RUFY4: variants seen among roughly 807,000 people sequenced by gnomAD.
The protein encoded by RUFY4 is RUN and FYVE domain-containing protein 4.
RUFY4 carries 73 observed loss-of-function variants against 69.0 expected under a neutral mutation model. That is an observed-to-expected ratio of 1.06 (90% confidence interval 0.88 to 1.29). The LOEUF (loss-of-function observed/expected upper bound fraction) is 1.29. Among genes scored for constraint, RUFY4 ranks in the 50% most tolerant of loss-of-function variants. The pLI, the probability that RUFY4 is intolerant of heterozygous loss-of-function variation, is 0.00. For synonymous variants in RUFY4, 287 were observed against 271.8 expected (o/e 1.06, Z -0.55); for missense variants, 770 against 705.6 (o/e 1.09, Z -1.03).
upstream of RUFY4, among the ~76,000 whole-genome samples, chr2:218,064,953 C>T (rs1330895874): frequency 1.8e-4 from 27 of 152,128 alleles, no homozygotes; most frequent in Non-Finnish European, 3.4e-4. Flanking sequence ...ACCCCGATCC[C>T]GTTTCCTTGT....
chr2:218,063,585 G>A (rs1689250438), intron 3 of RUFY4, among the ~76,000 whole-genome samples: 1 of 152,192 alleles, frequency 6.6e-6, no homozygotes, highest in Admixed American at 6.5e-5. Context: ...ATAGTGGCAT[G>A]CTCCAGCCCT....
intron 2 of RUFY4, among the ~76,000 whole-genome samples, chr2:218,047,964 C>CTTAT (rs1559421937): frequency 6.6e-6 from 1 of 152,136 alleles, no homozygotes; most frequent in Non-Finnish European, 1.5e-5. Flanking sequence ...ATGGGTTGAA[C>CTTAT]TTATAAGTTC....
At chr2:218,038,706 A>G (rs985078575) in intron 2 of RUFY4, among the ~76,000 whole-genome samples, 5 of 152,162 alleles carry the variant, frequency 3.3e-5, no homozygotes, top group African/African-American at 1.2e-4. Flanking sequence ...ATTATTTTAC[A>G]CATAACATTT....
intron 2 of RUFY4, 56 bp downstream of exon 4, chr2:218,070,915 G>A: frequency 1.5e-6 from 2 of 1,346,314 alleles, no homozygotes; most frequent in Non-Finnish European, 1.0e-6. Context: ...ATAACTGGTG[G>A]GACATTCCTG....
chr2:218,073,409 G>C (rs1457030351), intron 5 of RUFY4, 23 bp downstream of exon 7: 1 of 1,579,796 alleles, frequency 6.3e-7, no homozygotes, highest in South Asian at 1.2e-5. Flanking sequence ...AGCCAGGAGA[G>C]AAGTCTCTTT....
At chr2:218,070,686 T>A in intron 1 of RUFY4, 35 bp downstream of exon 3, 2 of 1,536,552 alleles carry the variant, frequency 1.3e-6, no homozygotes, top group Middle Eastern at 1.7e-4. Context: ...TGGGACTGAG[T>A]CATGGGAGAA....
chr2:218,071,298 C>T (rs1014000297), intron 2 of RUFY4, among the ~76,000 whole-genome samples: 3 of 152,140 alleles, frequency 2.0e-5, no homozygotes, highest in African/African-American at 7.2e-5. Flanking sequence ...CCCAACACCC[C>T]GACACACATC....
chr2:218,070,963 T>C, intron 2 of RUFY4, 104 bp downstream of exon 4: 1 of 805,866 alleles, frequency 1.2e-6, no homozygotes, highest in Non-Finnish European at 1.9e-6. Context: ...TTCCTTACCA[T>C]GCACTGTGTC....
At chr2:218,076,658 C>T in intron 8 of RUFY4, 125 bp downstream of exon 10, 6 of 1,433,692 alleles carry the variant, frequency 4.2e-6, no homozygotes, top group Non-Finnish European at 4.6e-6. Flanking sequence ...CTGGGCACAC[C>T]TTTGGGATCT....
intron 9 of RUFY4, among the ~76,000 whole-genome samples, chr2:218,085,002 C>G (rs1452583657): frequency 6.6e-6 from 1 of 152,096 alleles, no homozygotes; most frequent in Non-Finnish European, 1.5e-5. Flanking sequence ...GAGCCAAGAT[C>G]GTGCCACTGC....
chr2:218,058,166 A>G (rs1689105353), intron 2 of RUFY4, among the ~76,000 whole-genome samples: 1 of 152,222 alleles, frequency 6.6e-6, no homozygotes, highest in African/African-American at 2.4e-5. Flanking sequence ...CTCCAAAATT[A>G]CAAGATGCAA....
At chr2:218,085,188 A>G (rs1432930024) in intron 9 of RUFY4, among the ~76,000 whole-genome samples, 1 of 152,210 alleles carries the variant, frequency 6.6e-6, no homozygotes, top group Non-Finnish European at 1.5e-5. Context: ...AGGGAAAGAC[A>G]GAGTAACTAA....
Position 218,045,373 on chromosome 2 carries a change from A to G in RUFY4, c.-1158+9979A>G, listed in dbSNP as rs971548413. 9.8e-5 allele frequency among the ~76,000 whole-genome samples: 15 copies of G among 152,368 alleles called. No homozygotes were observed. In the East Asian group the frequency reaches 2.9e-3, roughly 29 times the overall value. ...AAATACCCATATTGCATATAAGAAT[A>G]TTTAAGAAGAGTTTCCAAATCCTGG... On this transcript the variant is annotated intron_variant and NMD_transcript_variant, in intron 2 of 13. Transcript: ENST00000457754.
chr2:218,082,453 A>G (rs1196032897), intron 8 of RUFY4, among the ~76,000 whole-genome samples: 1 of 152,186 alleles, frequency 6.6e-6, no homozygotes, highest in Non-Finnish European at 1.5e-5. Flanking sequence ...GAAATGTTTA[A>G]AAACAAAGCC....
At position 218,073,879 on chromosome 2, in the gene RUFY4, A is replaced by C. The variant is rs1474714721; in HGVS notation, c.594A>C (p.Pro198=). 2.5e-6 allele frequency: 4 copies of C among 1,613,908 alleles called. No individual in the cohort carries two copies. In the African/African-American group the frequency reaches 5.3e-5, roughly 22 times the overall value. ...GACCCAGAAAAAACAAAGATGCCCC[A>C]AAGAAGGTGCCTCTGCCCTGCCTTC... The change falls in exon 6 of 11, where the codon CCA becomes CCC. Residue 198 remains proline, a synonymous_variant. Coordinates refer to ENST00000344321, the Ensembl canonical transcript of RUFY4.
At chr2:218,073,666 T>A in intron 5 of RUFY4, 150 bp from the exon 8 acceptor site, 1 of 869,022 alleles carries the variant, frequency 1.2e-6, no homozygotes, top group Non-Finnish European at 1.8e-6. Context: ...TACGGATGAA[T>A]GGAGGATGGG....
intron 2 of RUFY4, among the ~76,000 whole-genome samples, chr2:218,049,321 T>C (rs1688894046): frequency 6.6e-6 from 1 of 152,222 alleles, no homozygotes; most frequent in South Asian, 2.1e-4. Context: ...GGAAAGTCTC[T>C]ATGTCTCCTT....
chr2:218,081,040 G>A (rs868066108), intron 8 of RUFY4, among the ~76,000 whole-genome samples: 2 of 152,134 alleles, frequency 1.3e-5, no homozygotes, highest in South Asian at 2.1e-4. Context: ...CCAAGCTCAG[G>A]CCTGGCATAT....
At chr2:218,089,819 G>T in intron 10 of RUFY4, 133 bp from the exon 13 acceptor site, 1 of 752,172 alleles carries the variant, frequency 1.3e-6, no homozygotes, top group South Asian at 1.5e-5. Context: ...CAAACCAAGG[G>T]CATTCCACTG....
Sources: gnomAD v4.1 joint callset for allele counts (sites outside exome capture counted in the v4.1 genomes callset) on GRCh38, gnomAD v4.1.1 for gene constraint, MANE v1.5 for transcripts, NCBI Gene and HGNC (gene_info 2026-07-23, HGNC 2026-07-21) for gene names.